The following LAMA3 variants were observed in gnomAD, a reference collection of about 807,000 sequenced individuals.
The protein encoded by LAMA3 is laminin subunit alpha-3.
In LAMA3, 281 loss-of-function variants were observed where a neutral mutation model predicts 402.0. The ratio of observed to expected loss-of-function variants is 0.70; its 90% CI spans 0.63 to 0.77. The LOEUF is 0.77. Among genes scored for constraint, LAMA3 ranks in the 30% least tolerant of loss-of-function variants. The pLI is 0.00. For missense variants in LAMA3, 3,840 were observed against 4,215.5 expected, an observed-to-expected ratio of 0.91 and a Z score of 2.47; for synonymous variants, 1,431 against 1,558.4, an observed-to-expected ratio of 0.92 and a Z score of 1.93.
intron 35 of LAMA3, among the ~76,000 whole-genome samples, chr18:23,863,544 C>A (rs1420520070): frequency 6.6e-6 from 1 of 152,096 alleles, no homozygotes; most frequent in Admixed American, 6.5e-5. Context: ...CACTTTAAGC[C>A]CATCAAAAAA....
rs1182433279 is a variant in LAMA3, at chr18:23,801,712, T to C, written c.1604-8654T>C. On this transcript the variant is annotated intron_variant, in intron 12 of 74. Transcript: ENST00000313654. ...TCACATCCTTTCCAGCATTTGCTATTTTTGGTCTTTTTGATGATAGCCATT... is the reference window on the plus strand; with the variant it reads ...TCACATCCTTTCCAGCATTTGCTATCTTTGGTCTTTTTGATGATAGCCATT... 6.6e-5 allele frequency among the ~76,000 whole-genome samples: 10 copies of C among 152,334 alleles called. No homozygotes were observed. In the East Asian group the frequency reaches 1.9e-3, roughly 29 times the overall value.
At chr18:23,783,819 G>A (rs938134218) in intron 11 of LAMA3, among the ~76,000 whole-genome samples, 7 of 151,994 alleles carry the variant, frequency 4.6e-5, no homozygotes, top group South Asian at 2.1e-4. Context: ...CCATCCTTAC[G>A]TGTTTTTTTT....
At chr18:23,834,892 A>G (rs2063552928) in intron 24 of LAMA3, 1 of 152,254 alleles carries the variant, frequency 6.6e-6, no homozygotes, top group Admixed American at 6.5e-5. Context: ...ATGAGAATCG[A>G]TGAAATGGCT....
chr18:23,928,088 A>C (rs749911673), intron 62 of LAMA3, 35 bp from the exon 63 acceptor site: 4 of 1,419,650 alleles, frequency 2.8e-6, no homozygotes, highest in Non-Finnish European at 4.0e-6. Context: ...GCCTGACATG[A>C]TCCATCTCTT....
chr18:23,830,954 T>A (rs1280382057), intron 23 of LAMA3, among the ~76,000 whole-genome samples: 2 of 152,212 alleles, frequency 1.3e-5, no homozygotes, highest in East Asian at 3.8e-4. Flanking sequence ...ATTCCCTACC[T>A]AAATTAATGC....
chr18:23,948,670 A>G (rs1250666729), intron 70 of LAMA3, among the ~76,000 whole-genome samples: 1 of 151,802 alleles, frequency 6.6e-6, no homozygotes, highest in Non-Finnish European at 1.5e-5. Flanking sequence ...CCTGAGTTCA[A>G]ACGATTCTCC....
At chr18:23,694,624 C>T (rs1313882590) in intron 1 of LAMA3, among the ~76,000 whole-genome samples, 1 of 152,210 alleles carries the variant, frequency 6.6e-6, no homozygotes, top group East Asian at 1.9e-4. Flanking sequence ...TGTGGTAAAT[C>T]CAGATTTAAA....
chr18:23,909,238 T>C lies in LAMA3; in HGVS notation c.7101T>C (p.Ser2367=), dbSNP rs200276517. Residue 2367 remains serine (S), a synonymous_variant, in exon 55 of 75, where the codon TCT becomes TCC. Transcript: ENST00000313654. ...NQQLLPLGNI[S]DNMDRIRELI... ...AGCTGTTGCCCTTGGGAAACATCTC[T>C]GACAACATGGACAGAATACGAGAAC... 6.8e-6 allele frequency: 11 copies of C among 1,613,800 alleles called. No individual in the cohort carries two copies. The Admixed American group carries it at 1.2e-4, about 17-fold the overall frequency.
intron 67 of LAMA3, 51 bp from the exon 68 acceptor site, chr18:23,939,172 A>G (rs1237661085): frequency 6.4e-7 from 1 of 1,569,610 alleles, no homozygotes; most frequent in East Asian, 2.2e-5. Context: ...TAGCAAGATA[A>G]GCATTCTTCA....
At chr18:23,741,180 C>T (rs982545817) in intron 2 of LAMA3, among the ~76,000 whole-genome samples, 1 of 151,936 alleles carries the variant, frequency 6.6e-6, no homozygotes, top group African/African-American at 2.4e-5. Flanking sequence ...AGGAGAGTCT[C>T]GATCTCCTGA....
Position 23,813,166 on chromosome 18 carries a change from A to G in LAMA3, c.1788+63A>G. ...TCTATTATTCTCATGCATATTAAGG[A>G]CTAACAGTGTGGGCACTTCCAGAAA... On this transcript the variant is annotated intron_variant, in intron 14 of 74. Transcript: ENST00000313654. 5 of 1,114,742 alleles carry G rather than the reference A, an allele frequency of 4.5e-6. No homozygotes were observed. In the South Asian group the frequency reaches 6.3e-5, roughly 14 times the overall value. 69.1% of individuals were successfully genotyped at this position (1,114,742 alleles called of 1,614,324 possible).
At chr18:23,731,336 T>C (rs1396564252) in intron 2 of LAMA3, among the ~76,000 whole-genome samples, 2 of 152,184 alleles carry the variant, frequency 1.3e-5, no homozygotes, top group Non-Finnish European at 2.9e-5. Flanking sequence ...CTTGAGGCAT[T>C]CTTTTAAAAC....
intron 73 of LAMA3, 73 bp downstream of exon 73, chr18:23,951,850 A>G: frequency 8.5e-7 from 1 of 1,175,520 alleles, no homozygotes. Context: ...AACATCCCAA[A>G]GGCAGCCTCA....
chr18:23,912,366 A>T (rs1381619455), intron 55 of LAMA3, among the ~76,000 whole-genome samples: 3 of 152,020 alleles, frequency 2.0e-5, no homozygotes, highest in Admixed American at 6.6e-5. Flanking sequence ...GCCTCCATAG[A>T]TGTTAGTTCA....
chr18:23,945,905 C>T (rs536672964), intron 69 of LAMA3, among the ~76,000 whole-genome samples: 1 of 152,136 alleles, frequency 6.6e-6, no homozygotes, highest in East Asian at 1.9e-4. Flanking sequence ...TTGATTAGTT[C>T]ACTTCTAAGC....
In LAMA3 at chr18:23,905,568, C is replaced by T. The variant is rs1447187543; in HGVS notation, c.6662C>T (p.Ser2221Phe). 1.2e-6 allele frequency: 2 copies of T among 1,612,044 alleles called. No individual in the cohort carries two copies. Among genetic ancestry groups the T allele is most frequent in the Admixed American group, 3.3e-5 (2 of 59,978 alleles). Residue 2221 changes from serine (S) to phenylalanine (F), a missense_variant, in exon 52 of 75, where the codon TCC becomes TTC. By Grantham distance (155) the Ser-to-Phe change is radical (BLOSUM62 -2). This residue lies in a region of LAMA3 where 891 missense variants were observed against 857.5 expected (regional missense o/e 1.04). Transcript: ENST00000313654. ...CCAAGAAAAGCTAAAACCCTGAGTT[C>T]CAACAGTGATAAACTGTTAAATGAA... is the stretch of plus-strand genomic sequence containing the variant. ...DLPRKAKTLS[S>F]NSDKLLNEAK... is the part of the protein sequence containing the mutation.
intron 37 of LAMA3, among the ~76,000 whole-genome samples, chr18:23,871,179 G>A (rs1271771664): frequency 6.6e-6 from 1 of 152,040 alleles, no homozygotes; most frequent in Non-Finnish European, 1.5e-5. Context: ...GTTGGACACT[G>A]GGAATTTTAT....
At chr18:23,786,996 A>C (rs1257659298) in intron 12 of LAMA3, among the ~76,000 whole-genome samples, 2 of 152,164 alleles carry the variant, frequency 1.3e-5, no homozygotes, top group Non-Finnish European at 2.9e-5. Flanking sequence ...AAAATAAATA[A>C]ACAGGCCGGG....
At chr18:23,952,222 G>C (rs1180303711) in intron 73 of LAMA3, among the ~76,000 whole-genome samples, 1 of 152,176 alleles carries the variant, frequency 6.6e-6, no homozygotes, top group Non-Finnish European at 1.5e-5. Flanking sequence ...GGCTCTTAAG[G>C]TTGTGGAAAT....
Sources: gnomAD v4.1 joint callset for allele counts (sites outside exome capture counted in the v4.1 genomes callset) on GRCh38, gnomAD v4.1.1 for gene constraint, gnomAD v4.1.1 regional missense constraint, MANE v1.5 for transcripts, NCBI Gene and HGNC (gene_info 2026-07-23, HGNC 2026-07-21) for gene names.